The following CDH4 variants were observed in gnomAD, a reference collection of about 807,000 sequenced individuals.
The protein encoded by CDH4 is cadherin-4.
A neutral mutation model predicts 86.0 loss-of-function variants in CDH4; 33 were observed. The ratio of observed to expected loss-of-function variants is 0.38; its 90% CI spans 0.29 to 0.51. The LOEUF (loss-of-function observed/expected upper bound fraction) is 0.51. Among genes scored for constraint, CDH4 ranks in the 20% least tolerant of loss-of-function variants. The probability of loss-of-function intolerance (pLI) is 0.86; values close to 1 mark genes in which losing one functional copy is unlikely to be tolerated. For missense variants in CDH4, 1,114 were observed against 1,307.4 expected, an observed-to-expected ratio of 0.85 and a Z score of 2.28; for synonymous variants, 555 against 549.4, an observed-to-expected ratio of 1.01 and a Z score of -0.14.
At chr20:61,302,641 G>A (rs367972048) in intron 2 of CDH4, among the ~76,000 whole-genome samples, 28 of 152,222 alleles carry the variant, frequency 1.8e-4, no homozygotes, top group Non-Finnish European at 2.9e-4. Context: ...TGCATGGCCC[G>A]GAGGGATGGC....
chr20:61,406,493 GCT>G, intron 2 of CDH4, among the ~76,000 whole-genome samples: 1 of 138,960 alleles, frequency 7.2e-6, no homozygotes, highest in African/African-American at 2.9e-5. Flanking sequence ...TCTGCCATCT[GCT>G]CTGCCTGGAC....
intron 3 of CDH4, among the ~76,000 whole-genome samples, chr20:61,752,950 CCAT>C (rs2088517930): frequency 6.6e-6 from 1 of 152,150 alleles, no homozygotes; most frequent in East Asian, 1.9e-4. Context: ...GCTCATTCTG[CCAT>C]CATTTTTTTA....
chr20:61,423,430 C>T (rs989588045), intron 2 of CDH4, among the ~76,000 whole-genome samples: 10 of 152,294 alleles, frequency 6.6e-5, no homozygotes, highest in Admixed American at 3.3e-4. Flanking sequence ...ACATGTCTTT[C>T]ATCCTAGCTG....
In CDH4 at chr20:61,565,264, T is replaced by TA. The variant is rs2086274793; in HGVS notation, c.170-178299_170-178298insA. The stretch of plus-strand genomic sequence containing the variant: ...GTGGCGGTGCTCTTGGTGATGGTGG[T>TA]GGTGGTCCTCTTGGTGATGGGGTGA... On this transcript the variant is annotated intron_variant, in intron 2 of 15. Coordinates refer to ENST00000614565, the MANE Select transcript of CDH4 (RefSeq NM_001794.5). Among the ~76,000 whole-genome samples the TA allele has an allele frequency of 2.1e-5, 2 of 96,218 alleles. 1 individual carries two copies. The highest frequency in any genetic ancestry group is 7.7e-5 in the African/African-American group (2 of 26,110). The allele number at this position is 96,218 out of a possible 152,430, so 63.1% of individuals were successfully genotyped here.
chr20:61,533,789 G>A (rs557784930), intron 2 of CDH4, among the ~76,000 whole-genome samples: 6 of 152,246 alleles, frequency 3.9e-5, no homozygotes, highest in Non-Finnish European at 8.8e-5. Flanking sequence ...CATATATGGA[G>A]CCTAATTACC....
At chr20:61,880,032 G>T (rs372211186) in intron 7 of CDH4, among the ~76,000 whole-genome samples, 2 of 152,138 alleles carry the variant, frequency 1.3e-5, no homozygotes, top group East Asian at 1.9e-4. Context: ...CCCTCTGCCC[G>T]CCCGGTGCTG....
chr20:61,347,036 C>T (rs566883987), intron 2 of CDH4, among the ~76,000 whole-genome samples: 1 of 152,322 alleles, frequency 6.6e-6, no homozygotes, highest in South Asian at 2.1e-4. Context: ...TCCATTAGCC[C>T]AAGGGTTCTT....
intron 2 of CDH4, among the ~76,000 whole-genome samples, chr20:61,330,666 G>T (rs1191078317): frequency 6.6e-6 from 1 of 152,228 alleles, no homozygotes; most frequent in East Asian, 1.9e-4. Context: ...ACAGCAGGAT[G>T]GCCCTCATTC....
chr20:61,356,268 G>A (rs1240564164), intron 2 of CDH4, among the ~76,000 whole-genome samples: 2 of 152,148 alleles, frequency 1.3e-5, no homozygotes, highest in Non-Finnish European at 2.9e-5. Context: ...GGAAGGCACC[G>A]CAGCTGGACT....
intron 2 of CDH4, among the ~76,000 whole-genome samples, chr20:61,422,217 G>A (rs1045559671): frequency 1.3e-5 from 2 of 151,834 alleles, no homozygotes; most frequent in African/African-American, 4.8e-5. Context: ...ACCTGAGGTC[G>A]GGAGTTCATG....
Position 61,597,267 on chromosome 20 carries a change from T to C in CDH4, c.170-146296T>C, listed in dbSNP as rs868008063. Among the ~76,000 whole-genome samples, 7 of 152,242 alleles carry C rather than the reference T, an allele frequency of 4.6e-5. No individual in the cohort carries two copies. The South Asian group carries it at 8.3e-4, about 18-fold the overall frequency. ...CCCCCGATCTACAGACTGAGAACCCTTGGCCCAGAAGGTCTGTTCCCTCCA... is the reference window on the plus strand; with the variant it reads ...CCCCCGATCTACAGACTGAGAACCCCTGGCCCAGAAGGTCTGTTCCCTCCA... On this transcript the variant is annotated intron_variant, in intron 2 of 15. Coordinates refer to ENST00000614565, the MANE Select transcript of CDH4 (RefSeq NM_001794.5).
chr20:61,342,155 C>T (rs1008159092), intron 2 of CDH4, among the ~76,000 whole-genome samples: 1 of 152,194 alleles, frequency 6.6e-6, no homozygotes. Flanking sequence ...ATGACTTAGA[C>T]CAGCGGTCCT....
At position 61,362,787 on chromosome 20, in the gene CDH4, G is replaced by A. The variant is rs142983957; in HGVS notation, c.169+107850G>A. Reference sequence around the variant, plus strand: ...AGCATTAGGGAAGGAAGGAGGTGGCGAGAGGATCATGCGTTCTGTGTTGGG... The same window carrying A: ...AGCATTAGGGAAGGAAGGAGGTGGCAAGAGGATCATGCGTTCTGTGTTGGG... On this transcript the variant is annotated intron_variant, in intron 2 of 15. Transcript: ENST00000614565. 5.8e-3 allele frequency among the ~76,000 whole-genome samples: 879 copies of A among 152,208 alleles called. 8 individuals carry two copies. Among genetic ancestry groups the A allele is most frequent in the Non-Finnish European group, 7.1e-3 (481 of 68,004 alleles).
intron 2 of CDH4, among the ~76,000 whole-genome samples, chr20:61,306,368 C>G (rs930845650): frequency 6.6e-6 from 1 of 151,558 alleles, no homozygotes; most frequent in Non-Finnish European, 1.5e-5. Flanking sequence ...AACGGAGTCT[C>G]GCTCTGTCAC....
chr20:61,539,388 G>T (rs1170397270), intron 2 of CDH4, among the ~76,000 whole-genome samples: 1 of 152,190 alleles, frequency 6.6e-6, no homozygotes, highest in Non-Finnish European at 1.5e-5. Context: ...CCAAGACTAA[G>T]GTGTGGGAAG....
At chr20:61,602,927 A>T (rs2086614117) in intron 2 of CDH4, among the ~76,000 whole-genome samples, 1 of 152,168 alleles carries the variant, frequency 6.6e-6, no homozygotes. Flanking sequence ...AGCCTTAGAG[A>T]TGCAGCACCT....
intron 7 of CDH4, 107 bp from the exon 8 acceptor site, chr20:61,894,803 G>C: frequency 3.0e-5 from 38 of 1,258,222 alleles, no homozygotes; most frequent in Non-Finnish European, 4.1e-5. Flanking sequence ...AAAGAGAACC[G>C]GTTCCAGGAA....
chr20:61,715,852 T>A (rs2087946970), intron 2 of CDH4, among the ~76,000 whole-genome samples: 1 of 152,224 alleles, frequency 6.6e-6, no homozygotes, highest in African/African-American at 2.4e-5. Context: ...CTGAGGGCCA[T>A]AGCAGGAGCC....
At chr20:61,647,779 T>C (rs139561496) in intron 2 of CDH4, among the ~76,000 whole-genome samples, 1 of 152,268 alleles carries the variant, frequency 6.6e-6, no homozygotes, top group African/African-American at 2.4e-5. Context: ...CTGACCCATC[T>C]ATTGCCTCTG....
Sources: allele counts gnomAD v4.1 joint callset (sites outside exome capture counted in the v4.1 genomes callset), GRCh38; gene constraint gnomAD v4.1.1; transcripts MANE v1.5; gene names NCBI Gene and HGNC (gene_info 2026-07-23, HGNC 2026-07-21).